SNX29: variants seen among roughly 807,000 people sequenced by gnomAD.
SNX29 encodes sorting nexin-29.
SNX29 carries 78 observed loss-of-function variants against 102.1 expected under a neutral mutation model. The observed-to-expected ratio is 0.76, with a 90% CI of 0.64 to 0.92. The LOEUF (loss-of-function observed/expected upper bound fraction) is 0.92, where lower values mean the gene tolerates loss of function less well. Among genes scored for constraint, SNX29 ranks in the 40% least tolerant of loss-of-function variants. The probability of loss-of-function intolerance (pLI) is 0.00; values close to 1 mark genes in which losing one functional copy is unlikely to be tolerated. For missense variants in SNX29, 1,280 were observed against 1,061.7 expected (o/e 1.21, Z -2.86); for synonymous variants, 580 against 414.5 (o/e 1.40, Z -4.85).
chr16:12,224,389 C>A (rs542962711), intron 14 of SNX29, among the ~76,000 whole-genome samples: 1 of 152,104 alleles, frequency 6.6e-6, no homozygotes, highest in Non-Finnish European at 1.5e-5. Flanking sequence ...ATGATGCAGA[C>A]CTGAGACATG....
intron 14 of SNX29, among the ~76,000 whole-genome samples, chr16:12,208,341 G>A (rs1259780765): frequency 6.6e-6 from 1 of 152,240 alleles, no homozygotes; most frequent in African/African-American, 2.4e-5. Context: ...GCACTCAGAG[G>A]TGTGTGGTCT....
rs75389243 is a variant in SNX29, at chr16:12,521,697, G to A, written c.2179-3005G>A. 3.3e-3 allele frequency among the ~76,000 whole-genome samples: 507 copies of A among 152,264 alleles called. 5 individuals are homozygous for A. The highest frequency in any genetic ancestry group is 6.8e-3 in the Middle Eastern group (2 of 294). On this transcript the variant is annotated intron_variant, in intron 19 of 20. Transcript: ENST00000566228. ...TTAAAAACTAGGCTTCATGAGCTCC[G>A]TTGGGCACTAGCCAGGCATCTTAAC...
intron 20 of SNX29, chr16:12,546,592 G>C (rs191015863): frequency 3.3e-5 from 5 of 152,208 alleles, no homozygotes; most frequent in Non-Finnish European, 7.3e-5. Flanking sequence ...CCCACCCAAG[G>C]ATAATACAGG....
At chr16:12,414,547 G>A (rs956063192) in intron 18 of SNX29, among the ~76,000 whole-genome samples, 2 of 152,192 alleles carry the variant, frequency 1.3e-5, no homozygotes, top group Non-Finnish European at 2.9e-5. Context: ...CTACTGATCT[G>A]TGATTCCCCC....
rs145492229 is a variant in SNX29 at position 12,106,452 on chromosome 16, C to T, written c.1403-20181C>T. Among the ~76,000 whole-genome samples the T allele has an allele frequency of 4.5e-3, 691 of 152,148 alleles. 6 individuals are homozygous for T. Among genetic ancestry groups the T allele is most frequent in the Middle Eastern group, 0.014 (4 of 294 alleles). On this transcript the variant is annotated intron_variant, in intron 11 of 20. Coordinates refer to ENST00000566228, the MANE Select transcript of SNX29 (RefSeq NM_032167.5). ...TGCCAGAGCGGAGATAAGGCCCCCT[C>T]CTCGGCCCCCTCCTTTTCTGCTGCT... is the stretch of plus-strand genomic sequence containing the variant.
intron 8 of SNX29, chr16:12,053,337 C>T (rs1008929738): frequency 6.6e-6 from 1 of 150,448 alleles, no homozygotes; most frequent in Non-Finnish European, 1.5e-5. Context: ...AGCTAGTTAC[C>T]TCTTAGGCTT....
chr16:12,462,738 T>C (rs1408322964), intron 18 of SNX29, among the ~76,000 whole-genome samples: 1 of 152,182 alleles, frequency 6.6e-6, no homozygotes, highest in Non-Finnish European at 1.5e-5. Flanking sequence ...GGCAGGTGTT[T>C]GTATCTATGA....
chr16:12,306,809 G>T (rs8051758), intron 15 of SNX29, among the ~76,000 whole-genome samples: 1 of 152,100 alleles, frequency 6.6e-6, no homozygotes, highest in African/African-American at 2.4e-5. Context: ...GAGCTGTCCT[G>T]TGTAACTCCC....
chr16:12,334,978 G>A (rs536318358), intron 15 of SNX29, among the ~76,000 whole-genome samples: 2 of 137,972 alleles, frequency 1.4e-5, no homozygotes, highest in Non-Finnish European at 3.0e-5. Context: ...GCCTGTCATC[G>A]ACTGAGCATT....
chr16:12,557,504 G>C (rs1367607440), intron 20 of SNX29: 2 of 152,136 alleles, frequency 1.3e-5, no homozygotes, highest in Admixed American at 6.5e-5. Context: ...TGGGATTACA[G>C]GAACACACCA....
intron 19 of SNX29, among the ~76,000 whole-genome samples, chr16:12,496,815 T>G (rs1239378066): frequency 6.6e-6 from 1 of 152,118 alleles, no homozygotes; most frequent in Non-Finnish European, 1.5e-5. Context: ...GGGAAGACAT[T>G]TTGGAGCAGG....
At chr16:12,022,056 G>A (rs1194811690) in intron 3 of SNX29, among the ~76,000 whole-genome samples, 3 of 148,126 alleles carry the variant, frequency 2.0e-5, no homozygotes, top group Non-Finnish European at 3.0e-5. Flanking sequence ...CTCTTTTGCT[G>A]CTTTATCAGA....
chr16:12,210,899 C>A (rs192263969), intron 14 of SNX29, among the ~76,000 whole-genome samples: 2 of 152,150 alleles, frequency 1.3e-5, no homozygotes, highest in Admixed American at 6.5e-5. Flanking sequence ...GAGACCTCAT[C>A]GTTGCTCTCC....
chr16:12,481,181 C>T (rs1256469247), intron 19 of SNX29, among the ~76,000 whole-genome samples: 1 of 152,124 alleles, frequency 6.6e-6, no homozygotes, highest in African/African-American at 2.4e-5. Context: ...CTTAGTGGGC[C>T]TGGCCCAGTA....
intron 6 of SNX29, among the ~76,000 whole-genome samples, 198 bp downstream of exon 6, chr16:12,046,652 C>G (rs896209921): frequency 6.6e-6 from 1 of 152,238 alleles, no homozygotes; most frequent in Non-Finnish European, 1.5e-5. Context: ...GAGAGCCTCA[C>G]TCTGTTGCCC....
rs1259649140 is a variant in SNX29, at chr16:12,035,010, C to CA, written c.247+7577dup. Among the ~76,000 whole-genome samples, 978 of 142,336 alleles carry CA rather than the reference C, an allele frequency of 6.9e-3. 3 individuals are homozygous for CA. Among genetic ancestry groups the CA allele is most frequent in the African/African-American group, 0.014 (550 of 38,820 alleles). The allele number at this position is 142,336 out of a possible 152,430, so 93.4% of individuals were successfully genotyped here. A position where few individuals can be genotyped will look rare whatever the true frequency, so the allele number is the denominator to read the frequency against. On this transcript the variant is annotated intron_variant, in intron 4 of 20. Coordinates refer to ENST00000566228, the MANE Select transcript of SNX29 (RefSeq NM_032167.5). ...TGGGCGACAGAGCAAGACTCCACCT[C>CA]AAAAAAAAAAAGGTAAAAAAGACTC...
At chr16:12,321,437 C>T (rs1291896445) in intron 15 of SNX29, among the ~76,000 whole-genome samples, 3 of 152,148 alleles carry the variant, frequency 2.0e-5, no homozygotes, top group African/African-American at 7.2e-5. Context: ...ATTCCCAGGC[C>T]AGGCCTGGGA....
At chr16:12,462,557 A>G (rs2151759774) in intron 18 of SNX29, among the ~76,000 whole-genome samples, 1 of 152,102 alleles carries the variant, frequency 6.6e-6, no homozygotes, top group Non-Finnish European at 1.5e-5. Context: ...TAATGTTTTA[A>G]TTTGTATCCC....
chr16:12,558,770 G>T (rs559340115), intron 20 of SNX29, among the ~76,000 whole-genome samples: 6 of 152,198 alleles, frequency 3.9e-5, no homozygotes, highest in African/African-American at 1.2e-4. Context: ...TGATCATCCC[G>T]CATTGTACAA....
Sources: gnomAD v4.1 joint callset for allele counts (sites outside exome capture counted in the v4.1 genomes callset) on GRCh38, gnomAD v4.1.1 for gene constraint, MANE v1.5 for transcripts, NCBI Gene and HGNC (gene_info 2026-07-23, HGNC 2026-07-21) for gene names.